Variants in EDIL3 observed in about 807,000 individuals in gnomAD.
The protein encoded by EDIL3 is EGF-like repeat and discoidin I-like domain-containing protein 3.
EDIL3 carries 37 observed loss-of-function variants against 67.4 expected under a neutral mutation model. The ratio of observed to expected loss-of-function variants is 0.55; its 90% CI spans 0.42 to 0.72. EDIL3 has a LOEUF of 0.72. Among genes scored for constraint, EDIL3 ranks in the 30% least tolerant of loss-of-function variants. The pLI is 0.00. For missense variants in EDIL3, 527 were observed against 586.3 expected (o/e 0.90, Z 1.04); for synonymous variants, 195 against 196.3 (o/e 0.99, Z 0.05).
chr5:84,357,887 C>CAA (rs140686250), intron 1 of EDIL3, among the ~76,000 whole-genome samples: 1,912 of 78,914 alleles, frequency 0.024, 71 homozygotes, highest in Non-Finnish European at 0.033. Context: ...GACTCAGTCT[C>CAA]AAAAAAAAAA....
intron 5 of EDIL3, among the ~76,000 whole-genome samples, chr5:84,117,603 CA>C (rs757846842): frequency 4.7e-5 from 7 of 147,794 alleles, no homozygotes; most frequent in Non-Finnish European, 8.9e-5. Flanking sequence ...ATGACAAATG[CA>C]AAGTTGTAAA....
At chr5:84,038,745 A>G (rs886489888) in intron 9 of EDIL3, among the ~76,000 whole-genome samples, 1 of 152,236 alleles carries the variant, frequency 6.6e-6, no homozygotes, top group South Asian at 2.1e-4. Context: ...AATATACAAA[A>G]TAATCAGATT....
chr5:84,147,738 A>C (rs1316085528), intron 4 of EDIL3, among the ~76,000 whole-genome samples: 1 of 151,886 alleles, frequency 6.6e-6, no homozygotes, highest in African/African-American at 2.4e-5. Context: ...AAAAAAAAAA[A>C]CACCTCACAC....
intron 6 of EDIL3, among the ~76,000 whole-genome samples, chr5:84,075,252 T>C (rs182420961): frequency 0.018 from 2,718 of 151,954 alleles, 74 homozygotes; most frequent in African/African-American, 0.062. Context: ...TAATGCTAAA[T>C]GACGAGTTAA....
At chr5:83,962,525 T>C (rs1211028599) in intron 10 of EDIL3, among the ~76,000 whole-genome samples, 1 of 151,474 alleles carries the variant, frequency 6.6e-6, no homozygotes, top group East Asian at 1.9e-4. Context: ...ATGCTAAACA[T>C]TAAAAAAGAT....
At position 84,187,608 on chromosome 5, in the gene EDIL3, T is replaced by C. The variant is rs368678238; in HGVS notation, c.227-7087A>G. On this transcript the variant is annotated intron_variant, in intron 3 of 10. Transcript: ENST00000296591. Reference sequence around the variant, plus strand: ...GTTTACCACTAGAATAAAATAGGAATAGCTATGACCCCAAATTTCACCCCA... The same window carrying C: ...GTTTACCACTAGAATAAAATAGGAACAGCTATGACCCCAAATTTCACCCCA... Among the ~76,000 whole-genome samples the C allele has an allele frequency of 4.6e-5, 7 of 152,038 alleles. No individual in the cohort carries two copies. The East Asian group carries it at 7.7e-4, about 17-fold the overall frequency.
chr5:84,276,818 C>T (rs1159514730), intron 1 of EDIL3, among the ~76,000 whole-genome samples: 1 of 152,014 alleles, frequency 6.6e-6, no homozygotes, highest in African/African-American at 2.4e-5. Context: ...GCGATCCACC[C>T]GCCTAGGCCT....
chr5:83,969,689 C>T (rs1413497569), intron 9 of EDIL3, among the ~76,000 whole-genome samples: 5 of 151,774 alleles, frequency 3.3e-5, no homozygotes, highest in Non-Finnish European at 2.9e-5. Context: ...TACACTCTTC[C>T]ATCTGCTATA....
intron 6 of EDIL3, among the ~76,000 whole-genome samples, chr5:84,100,753 C>T (rs4431323): frequency 0.059 from 8,902 of 151,902 alleles, 893 homozygotes; most frequent in African/African-American, 0.2. Flanking sequence ...TATTTCTTAG[C>T]GATACCTATA....
intron 6 of EDIL3, among the ~76,000 whole-genome samples, chr5:84,099,456 TG>T (rs1180360635): frequency 6.6e-6 from 1 of 152,126 alleles, no homozygotes. Context: ...TTGACAAACC[TG>T]ACCAAAACAA....
intron 9 of EDIL3, among the ~76,000 whole-genome samples, chr5:83,964,334 G>A (rs190668595): frequency 6.6e-6 from 1 of 151,346 alleles, no homozygotes; most frequent in Non-Finnish European, 1.5e-5. Context: ...CTTGATCTAC[G>A]GCTTCCTCTC....
At chr5:84,321,907 C>T (rs1414363981) in intron 1 of EDIL3, among the ~76,000 whole-genome samples, 1 of 152,012 alleles carries the variant, frequency 6.6e-6, no homozygotes, top group Non-Finnish European at 1.5e-5. Context: ...AAGGACAGGA[C>T]ATTGAAAAGC....
At chr5:84,133,119 A>G (rs1342946826) in intron 5 of EDIL3, among the ~76,000 whole-genome samples, 1 of 152,128 alleles carries the variant, frequency 6.6e-6, no homozygotes, top group Non-Finnish European at 1.5e-5. Context: ...TAGTCCAATA[A>G]ATGAGAACAA....
intron 1 of EDIL3, among the ~76,000 whole-genome samples, chr5:84,372,869 T>C (rs567801642): frequency 1.6e-4 from 24 of 152,196 alleles, no homozygotes; most frequent in Non-Finnish European, 2.8e-4. Flanking sequence ...AAGATTGTAA[T>C]GTGTCAAAAG....
intron 9 of EDIL3, among the ~76,000 whole-genome samples, chr5:83,987,019 C>G (rs1256828094): frequency 6.6e-6 from 1 of 152,112 alleles, no homozygotes; most frequent in Non-Finnish European, 1.5e-5. Flanking sequence ...GAGATTTTAA[C>G]TTAAATGTGC....
intron 1 of EDIL3, among the ~76,000 whole-genome samples, chr5:84,274,628 T>G (rs114650628): frequency 6.6e-6 from 1 of 152,322 alleles, no homozygotes; most frequent in Non-Finnish European, 1.5e-5. Flanking sequence ...TGGAATAATT[T>G]TTTTAATGTT....
At chr5:83,961,712 C>T (rs990689447) in intron 10 of EDIL3, among the ~76,000 whole-genome samples, 1 of 151,086 alleles carries the variant, frequency 6.6e-6, no homozygotes, top group Non-Finnish European at 1.5e-5. Context: ...AATCAGAATG[C>T]TTACTGTAAA....
At chr5:84,341,093 A>T (rs1330878419) in intron 1 of EDIL3, among the ~76,000 whole-genome samples, 1 of 151,918 alleles carries the variant, frequency 6.6e-6, no homozygotes, top group African/African-American at 2.4e-5. Context: ...TTTCCTTTCC[A>T]GCTTGTATTT....
chr5:84,299,429 T>TCA (rs1746112644), intron 1 of EDIL3, among the ~76,000 whole-genome samples: 2 of 152,142 alleles, frequency 1.3e-5, no homozygotes, highest in South Asian at 4.1e-4. Context: ...AATGCTTTCT[T>TCA]TCCTGAGATC....
Sources: gnomAD v4.1 joint callset for allele counts (sites outside exome capture counted in the v4.1 genomes callset) on GRCh38, gnomAD v4.1.1 for gene constraint, MANE v1.5 for transcripts, NCBI Gene and HGNC (gene_info 2026-07-23, HGNC 2026-07-21) for gene names.